Variants in MAX observed in about 807,000 individuals in gnomAD.
The protein encoded by MAX is MYC associated transcriptional regulator X, also known as protein max.
In MAX, 3 loss-of-function variants were observed where a neutral mutation model predicts 22.3. The ratio of observed to expected loss-of-function variants is 0.13; its 90% CI spans 0.06 to 0.35. The LOEUF is 0.35. Ranked by LOEUF, MAX falls within the 10% of genes least tolerant of loss-of-function variation. The pLI is 1.00. For synonymous variants in MAX, 72 were observed against 77.7 expected (o/e 0.93, Z 0.39); for missense variants, 119 against 209.4 (o/e 0.57, Z 2.66).
intron 3 of MAX, chr14:65,061,422 A>G: frequency 6.8e-7 from 1 of 1,479,010 alleles, no homozygotes; most frequent in Non-Finnish European, 9.0e-7. Context: ...GCCTCAGTGG[A>G]GCTGTGGTTC....
At chr14:65,089,382 A>G (rs778362553) in intron 3 of MAX, among the ~76,000 whole-genome samples, 2 of 152,120 alleles carry the variant, frequency 1.3e-5, no homozygotes, top group African/African-American at 4.8e-5. Context: ...AGCTCTCCCC[A>G]TAAGGGAGAA....
chr14:65,080,417 A>G (rs989962296), intron 3 of MAX, among the ~76,000 whole-genome samples: 1 of 152,224 alleles, frequency 6.6e-6, no homozygotes, highest in African/African-American at 2.4e-5. Context: ...AAAGGAGCAC[A>G]TAATTAGAAG....
At chr14:65,022,034 G>A (rs751733585) in intron 3 of MAX, 10 of 455,904 alleles carry the variant, frequency 2.2e-5, no homozygotes, top group South Asian at 7.7e-5. Flanking sequence ...CAAATAACAC[G>A]TCTGACTCTG....
At chr14:65,063,922 T>C (rs955330192) in intron 3 of MAX, among the ~76,000 whole-genome samples, 1 of 152,176 alleles carries the variant, frequency 6.6e-6, no homozygotes, top group Admixed American at 6.5e-5. Flanking sequence ...TCAAGGTGGA[T>C]GACCCCAAAT....
In MAX at chr14:65,033,454, A is replaced by G. The variant is rs536414001; in HGVS notation, c.172-27170T>C. Among the ~76,000 whole-genome samples the G allele has an allele frequency of 1.0e-3, 159 of 152,382 alleles. 1 individual carries two copies. In the South Asian group the frequency reaches 0.032, roughly 31 times the overall value. On this transcript the variant is annotated intron_variant, in intron 3 of 3. Transcript: ENST00000341653. Reference sequence around the variant, plus strand: ...GAGACTTCAGCTGTAATAGTTAACAACAACAAAGACCTGAAGTGTATATGG... The same window carrying G: ...GAGACTTCAGCTGTAATAGTTAACAGCAACAAAGACCTGAAGTGTATATGG...
In MAX at chr14:65,082,729, C is replaced by T. The variant is rs146989334; in HGVS notation, c.172-4693G>A. Among the ~76,000 whole-genome samples the T allele has an allele frequency of 4.7e-5, 7 of 149,922 alleles. No individual in the cohort carries two copies. Among genetic ancestry groups the T allele is most frequent in the African/African-American group, 1.5e-4 (6 of 40,612 alleles). ...CTGCAGTGAGACAGGCTTGTGCCAA[C>T]ACACTCCAGCCTGAAAAAAAAGAGT... On this transcript the variant is annotated intron_variant, in intron 3 of 4. Coordinates refer to ENST00000358664, the MANE Select transcript of MAX (RefSeq NM_002382.5). The surrounding 1 kb of genome is among the most constrained non-coding windows in gnomAD (Gnocchi z 4.8).
At chr14:65,072,949 T>C (rs2063004695), downstream of MAX, among the ~76,000 whole-genome samples, 1 of 152,252 alleles carries the variant, frequency 6.6e-6, no homozygotes, top group Non-Finnish European at 1.5e-5. Flanking sequence ...ATTTGTGATA[T>C]ACCAAGAAGT....
At position 65,023,009 on chromosome 14, in the gene MAX, G is replaced by A. The variant is rs536174530; in HGVS notation, c.172-16725C>T. On this transcript the variant is annotated intron_variant, in intron 3 of 3. Transcript: ENST00000341653. The surrounding 1 kb of genome is among the most constrained non-coding windows in gnomAD (Gnocchi z 4.1). ...ATTTTGTATTATATGCTTATTTACT[G>A]TACATGCCTTTGAATCCTTCATCCA... 5.9e-5 allele frequency among the ~76,000 whole-genome samples: 9 copies of A among 152,184 alleles called. No homozygotes were observed. The East Asian group carries it at 1.2e-3, about 20-fold the overall frequency.
rs1388301103 is a variant in MAX at position 65,093,106 on chromosome 14, G to C, written c.171+602C>G. On this transcript the variant is annotated intron_variant, in intron 3 of 4. Transcript: ENST00000358664. The surrounding 1 kb of genome is among the most constrained non-coding windows in gnomAD (Gnocchi z 4.4). ...CCTAGCCCTCCAGGGAAAACACTAG[G>C]TTCCAGAAGGGAGTGGGGAAGAATG... 1.3e-5 allele frequency among the ~76,000 whole-genome samples: 2 copies of C among 152,226 alleles called. No homozygotes were observed. The highest frequency in any genetic ancestry group is 2.9e-5 in the Non-Finnish European group (2 of 68,046).
At chr14:65,010,502 C>T (rs564754458) in intron 3 of MAX, among the ~76,000 whole-genome samples, 8 of 152,350 alleles carry the variant, frequency 5.3e-5, no homozygotes, top group African/African-American at 1.4e-4. Context: ...CACACTAGTT[C>T]GGGCCCTAAG....
chr14:65,044,515 C>T lies in MAX; in HGVS notation c.172-38231G>A, dbSNP rs2062431525. The T allele has an allele frequency of 2.0e-5, 31 of 1,547,306 alleles. No individual in the cohort carries two copies. The highest frequency in any genetic ancestry group is 2.6e-5 in the Non-Finnish European group (30 of 1,152,358). ...CTACTCACAAAGTCTGGAAGCCCAG[C>T]GTGCTTTTTTAGAGGGGTTGAAATG... is the stretch of plus-strand genomic sequence containing the variant. On this transcript the variant is annotated intron_variant, in intron 3 of 3. Transcript: ENST00000341653. The surrounding 1 kb of genome is among the most constrained non-coding windows in gnomAD (Gnocchi z 5.5).
chr14:65,079,867 C>G lies in MAX; in HGVS notation c.172-1831G>C, dbSNP rs1045553298. ...ATTTCCAGGCTTTCCTCTTTAGCACCCTTAAGGTAATTTCCTCAAGGAAAT... is the reference window on the plus strand; with the variant it reads ...ATTTCCAGGCTTTCCTCTTTAGCACGCTTAAGGTAATTTCCTCAAGGAAAT... On this transcript the variant is annotated intron_variant, in intron 3 of 4. Transcript: ENST00000358664. This position sits in a 1 kb window ranked among gnomAD's most constrained non-coding sequence, Gnocchi z 4.5. Among the ~76,000 whole-genome samples the G allele has an allele frequency of 2.0e-5, 3 of 152,158 alleles. No homozygotes were observed. The highest frequency in any genetic ancestry group is 2.0e-4 in the Admixed American group (3 of 15,282).
At chr14:65,037,189 T>C (rs2062211928) in intron 3 of MAX, among the ~76,000 whole-genome samples, 1 of 151,396 alleles carries the variant, frequency 6.6e-6, no homozygotes, top group Admixed American at 6.6e-5. Context: ...CTGCAACCTC[T>C]GCCTCTCAGG....
In MAX at chr14:65,077,273, T is replaced by A. The variant is rs568724731; in HGVS notation, c.296-610A>T. The A allele has an allele frequency of 4.2e-6, 5 of 1,197,584 alleles. No individual in the cohort carries two copies. The Admixed American group carries it at 9.9e-5, about 24-fold the overall frequency. 74.2% of individuals were successfully genotyped at this position (1,197,584 alleles called of 1,614,324 possible). A position where few individuals can be genotyped will look rare whatever the true frequency, so the allele number is the denominator to read the frequency against. The stretch of plus-strand genomic sequence containing the variant: ...CCCTTGGTTCAGCTCAGCTTGAGCC[T>A]GGAAGGTCAACCCATTTAATTTATT... On this transcript the variant is annotated intron_variant, in intron 4 of 4. Coordinates refer to ENST00000358664, the MANE Select transcript of MAX (RefSeq NM_002382.5). This position sits in a 1 kb window ranked among gnomAD's most constrained non-coding sequence, Gnocchi z 6.3.
chr14:65,056,692 C>G (rs920788979), intron 3 of MAX, among the ~76,000 whole-genome samples: 2 of 152,076 alleles, frequency 1.3e-5, no homozygotes, highest in African/African-American at 4.8e-5. Flanking sequence ...CAGTTGTTTT[C>G]CCTTAAGTAT....
intron 3 of MAX, among the ~76,000 whole-genome samples, chr14:65,035,186 C>T (rs1008102486): frequency 6.6e-6 from 1 of 152,194 alleles, no homozygotes; most frequent in African/African-American, 2.4e-5. Flanking sequence ...GTGTTGGCTG[C>T]CCGCCCTGAC....
At chr14:65,041,935 C>T (rs2062362539) in intron 3 of MAX, among the ~76,000 whole-genome samples, 1 of 152,174 alleles carries the variant, frequency 6.6e-6, no homozygotes, top group South Asian at 2.1e-4. Flanking sequence ...TAGATTTGAA[C>T]CCTGTCCCTA....
chr14:65,010,194 C>T (rs1386581676), intron 3 of MAX, among the ~76,000 whole-genome samples: 2 of 152,176 alleles, frequency 1.3e-5, no homozygotes, highest in African/African-American at 4.8e-5. Context: ...ATGACACTTC[C>T]TTTGCTCTTC....
In MAX at chr14:65,023,286, T is replaced by A. The variant is rs2061920821; in HGVS notation, c.172-17002A>T. The stretch of plus-strand genomic sequence containing the variant: ...GTTGCCCAGGCTGGCCTTGAACTCC[T>A]GAGCTCAAGTGATCCCCCTCACCTC... On this transcript the variant is annotated intron_variant, in intron 3 of 3. Coordinates refer to the MAX transcript ENST00000341653. This position sits in a 1 kb window ranked among gnomAD's most constrained non-coding sequence, Gnocchi z 4.1. Among the ~76,000 whole-genome samples the A allele has an allele frequency of 6.6e-6, 1 of 152,116 alleles. No individual in the cohort carries two copies. Among genetic ancestry groups the A allele is most frequent in the African/African-American group, 2.4e-5 (1 of 41,438 alleles).
Sources: allele counts gnomAD v4.1 joint callset (sites outside exome capture counted in the v4.1 genomes callset), GRCh38; gene constraint gnomAD v4.1.1; non-coding constraint Gnocchi (gnomAD v3.1); transcripts MANE v1.5; gene names NCBI Gene and HGNC (gene_info 2026-07-23, HGNC 2026-07-21).